The following UBXN8 variants were observed in gnomAD, a reference collection of about 807,000 sequenced individuals.
The protein encoded by UBXN8 is UBX domain-containing protein 8.
A neutral mutation model predicts 32.1 loss-of-function variants in UBXN8; 27 were observed. The ratio of observed to expected loss-of-function variants is 0.84; its 90% CI spans 0.62 to 1.16. The LOEUF is 1.16. UBXN8 is among the 50% of genes most tolerant of loss of function. The pLI is 0.00. For synonymous variants in UBXN8, 109 were observed against 111.8 expected (o/e 0.98, Z 0.16); for missense variants, 306 against 311.4 (o/e 0.98, Z 0.13).
rs562957005 is a variant in UBXN8, at chr8:30,765,958, C to T, written c.646-269C>T. On this transcript the variant is annotated intron_variant, in intron 7 of 7. Transcript: ENST00000265616. The stretch of plus-strand genomic sequence containing the variant: ...CCAGGTGGTGGAGGTTTCAGTGAGC[C>T]GAGATCATGCCATCGCACTCCAGCC... Among the ~76,000 whole-genome samples the T allele has an allele frequency of 5.4e-5, 8 of 147,464 alleles. No homozygotes were observed. The South Asian group carries it at 1.1e-3, about 20-fold the overall frequency.
rs142828427 is a variant in UBXN8 at position 30,745,155 on chromosome 8, G to C, written c.88+878G>C. Reference sequence around the variant, plus strand: ...CAGTGAGGCACATCAGGCTTTGGAAGTTGACAAGTGGTGATGATGGCCTGG... The same window carrying C: ...CAGTGAGGCACATCAGGCTTTGGAACTTGACAAGTGGTGATGATGGCCTGG... On this transcript the variant is annotated intron_variant, in intron 1 of 7. Coordinates refer to ENST00000265616, the MANE Select transcript of UBXN8 (RefSeq NM_005671.4). 2.8e-3 allele frequency among the ~76,000 whole-genome samples: 434 copies of C among 152,322 alleles called. 1 individual carries two copies. The highest frequency in any genetic ancestry group is 9.3e-3 in the African/African-American group (386 of 41,568).
rs58215831 is a variant in UBXN8, at chr8:30,746,515, A to ATTT, written c.88+2246_88+2248dup. Among the ~76,000 whole-genome samples the ATTT allele has an allele frequency of 1.1e-4, 13 of 121,400 alleles. 1 individual carries two copies. The highest frequency in any genetic ancestry group is 2.9e-4 in the South Asian group (1 of 3,410). 79.6% of individuals were successfully genotyped at this position (121,400 alleles called of 152,430 possible). On this transcript the variant is annotated intron_variant, in intron 1 of 7. Transcript: ENST00000265616. Reference sequence around the variant, plus strand: ...TACATTTTACTTGTACTTAAGCTAGATTTTTTTTTTCTTTTTTTTTTTTTT... The same window carrying ATTT: ...TACATTTTACTTGTACTTAAGCTAGATTTTTTTTTTTTTCTTTTTTTTTTTTTT...
At chr8:30,765,390 T>G (rs2128757369) in intron 7 of UBXN8, among the ~76,000 whole-genome samples, 1 of 152,100 alleles carries the variant, frequency 6.6e-6, no homozygotes, top group Admixed American at 6.6e-5. Context: ...TCCTTGCACC[T>G]CACCTCCTGA....
At chr8:30,744,836 T>G (rs1359367360) in intron 1 of UBXN8, among the ~76,000 whole-genome samples, 1 of 152,066 alleles carries the variant, frequency 6.6e-6, no homozygotes, top group Non-Finnish European at 1.5e-5. Context: ...TGTGACACGT[T>G]GGAGGAAAAG....
chr8:30,757,226 A>G (rs774529046), intron 5 of UBXN8, among the ~76,000 whole-genome samples: 1 of 151,928 alleles, frequency 6.6e-6, no homozygotes. Flanking sequence ...CTTGGAAGCA[A>G]TAAAGACAAA....
At chr8:30,766,136 A>G (rs1805996437) in intron 7 of UBXN8, 91 bp from the exon 8 acceptor site, 1 of 1,338,664 alleles carries the variant, frequency 7.5e-7, no homozygotes, top group Admixed American at 2.5e-5. Context: ...ATGATTTTAC[A>G]TTGACAAAAT....
chr8:30,737,765 G>A (rs1196298349), intron 1 of UBXN8, among the ~76,000 whole-genome samples: 1 of 152,132 alleles, frequency 6.6e-6, no homozygotes, highest in East Asian at 1.9e-4. Context: ...GGAGGATCAC[G>A]TGGGCCTGGG....
At chr8:30,734,170 A>G (rs977514385) in intron 1 of UBXN8, 1 of 152,254 alleles carries the variant, frequency 6.6e-6, no homozygotes, top group African/African-American at 2.4e-5. Flanking sequence ...GGCCCAGCAC[A>G]ATGAAGGAGA....
intron 4 of UBXN8, chr8:30,755,988 A>C (rs1386032496): frequency 6.6e-6 from 1 of 150,536 alleles, no homozygotes; most frequent in Non-Finnish European, 1.5e-5. Context: ...TTGAATATGA[A>C]TTTTGTCAGT....
intron 1 of UBXN8, among the ~76,000 whole-genome samples, chr8:30,736,193 G>T (rs999098159): frequency 2.0e-5 from 3 of 152,158 alleles, no homozygotes; most frequent in African/African-American, 7.2e-5. Context: ...ATAACTAAAC[G>T]TGGAATTAAC....
chr8:30,742,162 C>A (rs1411737677), upstream of UBXN8, among the ~76,000 whole-genome samples: 1 of 152,126 alleles, frequency 6.6e-6, no homozygotes, highest in African/African-American at 2.4e-5. Flanking sequence ...ATGGGAACAT[C>A]TGAACTAGTC....
intron 6 of UBXN8, among the ~76,000 whole-genome samples, chr8:30,762,645 G>A (rs1272816741): frequency 6.6e-6 from 1 of 152,102 alleles, no homozygotes; most frequent in Non-Finnish European, 1.5e-5. Context: ...CGCCCACCTT[G>A]GCCCCCCAAA....
rs553043907 is a variant in UBXN8 at position 30,750,000 on chromosome 8, G to C, written c.89-1396G>C. Among the ~76,000 whole-genome samples, 406 of 152,282 alleles carry C rather than the reference G, an allele frequency of 2.7e-3. 3 individuals carry two copies. Among genetic ancestry groups the C allele is most frequent in the Non-Finnish European group, 5.0e-3 (342 of 68,020 alleles). ...TTACTGATATTCATAATATAGTGTA[G>C]CTGATCGCTCTAATTGTAACTGTAT... On this transcript the variant is annotated intron_variant, in intron 1 of 7. Coordinates refer to ENST00000265616, the MANE Select transcript of UBXN8 (RefSeq NM_005671.4).
At position 30,766,573 on chromosome 8, in the gene UBXN8, G is replaced by A. The variant is rs555530670; in HGVS notation, c.*179G>A. 8.0e-5 allele frequency: 42 copies of A among 526,266 alleles called. No homozygotes were observed. Among genetic ancestry groups the A allele is most frequent in the African/African-American group, 7.8e-4 (41 of 52,518 alleles). 32.6% of individuals were successfully genotyped at this position (526,266 alleles called of 1,614,324 possible). ...GATTGCTTTCTATATATAATAATCT[G>A]TGGACTGTGCCATTTTACAGTGTAC... On this transcript the variant is annotated 3_prime_UTR_variant, in exon 8 of 8. Coordinates refer to ENST00000265616, the MANE Select transcript of UBXN8 (RefSeq NM_005671.4).
intron 5 of UBXN8, among the ~76,000 whole-genome samples, chr8:30,758,901 T>TTTTTTTTTTTTTTG (rs1563564673): frequency 2.3e-5 from 3 of 130,136 alleles, no homozygotes; most frequent in African/African-American, 9.0e-5. Context: ...TTTGTTTTTT[T>TTTTTTTTTTTTTTG]TTTTTTTTTT....
At chr8:30,761,249 T>C (rs1805823742) in intron 6 of UBXN8, among the ~76,000 whole-genome samples, 2 of 136,888 alleles carry the variant, frequency 1.5e-5, no homozygotes, top group Admixed American at 1.4e-4. Flanking sequence ...CTGAGTTGTC[T>C]TTTTTTTTTT....
chr8:30,751,680 A>C (rs1265278174), intron 2 of UBXN8, among the ~76,000 whole-genome samples, 162 bp downstream of exon 2: 1 of 152,112 alleles, frequency 6.6e-6, no homozygotes, highest in African/African-American at 2.4e-5. Flanking sequence ...TTGGTTTTTA[A>C]ACATTAGTGA....
At chr8:30,734,256 AG>A (rs1317664156) in intron 1 of UBXN8, 7 of 152,232 alleles carry the variant, frequency 4.6e-5, no homozygotes, top group African/African-American at 1.7e-4. Context: ...ACAAAATTTA[AG>A]GGAAAAAGGG....
intron 5 of UBXN8, among the ~76,000 whole-genome samples, chr8:30,757,945 G>C (rs1038743304): frequency 9.3e-5 from 14 of 151,004 alleles, no homozygotes; most frequent in Non-Finnish European, 1.8e-4. Flanking sequence ...GGAATACAGT[G>C]GTGAAATCTC....
Sources: allele counts gnomAD v4.1 joint callset (sites outside exome capture counted in the v4.1 genomes callset), GRCh38; gene constraint gnomAD v4.1.1; transcripts MANE v1.5; gene names NCBI Gene and HGNC (gene_info 2026-07-23, HGNC 2026-07-21).